Variants in GATA4 observed in about 807,000 individuals in gnomAD.
The protein encoded by GATA4 is GATA binding protein 4.
GATA4 carries 7 observed loss-of-function variants against 37.9 expected under a neutral mutation model. That is an observed-to-expected ratio of 0.18 (90% CI 0.11 to 0.35). The LOEUF (loss-of-function observed/expected upper bound fraction) is 0.35. Ranked by LOEUF, GATA4 falls within the 10% of genes least tolerant of loss-of-function variation. GATA4 has a pLI of 1.00. For missense variants in GATA4, 647 were observed against 653.0 expected (o/e 0.99, Z 0.10); for synonymous variants, 372 against 292.6 (o/e 1.27, Z -2.77).
chr8:11,682,703 T>C (rs1358722428), intron 1 of GATA4, among the ~76,000 whole-genome samples: 1 of 152,260 alleles, frequency 6.6e-6, no homozygotes, highest in Non-Finnish European at 1.5e-5. Flanking sequence ...GAAAGTCAGC[T>C]ATGTCTCCTC....
chr8:11,739,219 A>T (rs553211646), intron 2 of GATA4, among the ~76,000 whole-genome samples: 2 of 152,356 alleles, frequency 1.3e-5, no homozygotes, highest in African/African-American at 4.8e-5. Context: ...ATGTTACAGG[A>T]AGAGAAAATC....
chr8:11,686,816 G>C (rs1799151458), intron 1 of GATA4, among the ~76,000 whole-genome samples: 1 of 152,144 alleles, frequency 6.6e-6, no homozygotes, highest in African/African-American at 2.4e-5. Flanking sequence ...TGACCAACAT[G>C]ATGAAACCCC....
intron 2 of GATA4, among the ~76,000 whole-genome samples, chr8:11,731,805 A>G (rs1186436769): frequency 6.6e-6 from 1 of 152,232 alleles, no homozygotes; most frequent in African/African-American, 2.4e-5. Context: ...AGTAGAAAGT[A>G]AATTGTGAAA....
At chr8:11,678,688 C>CA (rs1313454082) in intron 1 of GATA4, among the ~76,000 whole-genome samples, 1 of 152,162 alleles carries the variant, frequency 6.6e-6, no homozygotes, top group African/African-American at 2.4e-5. Context: ...GTAGTACTAG[C>CA]AAATGTTTTG....
chr8:11,708,770 G>A lies in GATA4; in HGVS notation c.458G>A (p.Gly153Asp). 1.4e-6 allele frequency: 2 copies of A among 1,431,310 alleles called. No homozygotes were observed. Among genetic ancestry groups the A allele is most frequent in the Admixed American group, 2.7e-5 (1 of 37,356 alleles). 88.7% of individuals were successfully genotyped at this position (1,431,310 alleles called of 1,614,324 possible). Reference protein sequence around the residue: ...LAGREQYGRAGFAGSYSSPYP... With the variant: ...LAGREQYGRADFAGSYSSPYP... ...GGCCGCGAGCAGTACGGGCGCGCCG[G>A]CTTCGCGGGCTCCTACTCCAGCCCC... The change falls in exon 2 of 7, where the codon GGC becomes GAC. Residue 153 changes from glycine to aspartate, a missense_variant. This residue lies in a region of GATA4 where 379 missense variants were observed against 334.5 expected (regional missense o/e 1.13). Transcript: ENST00000532059. This position sits in a 1 kb window ranked among gnomAD's most constrained non-coding sequence, Gnocchi z 6.7.
At chr8:11,687,854 A>G (rs554073903), upstream of GATA4, among the ~76,000 whole-genome samples, 2 of 152,280 alleles carry the variant, frequency 1.3e-5, no homozygotes, top group Admixed American at 6.5e-5. Context: ...AGAACTGATC[A>G]AGCCCTGCCC....
At position 11,708,829 on chromosome 8, in the gene GATA4, T is replaced by G; in HGVS notation, c.517T>G (p.Trp173Gly). ...TTACATGGCCGACGTGGGCGCGTCC[T>G]GGGCCGCAGCCGCCGCCGCCTCCGC... The part of the protein sequence containing the change: ...PAYMADVGAS[W>G]AAAAAASAGP... Residue 173 changes from tryptophan (W) to glycine (G), a missense_variant, in exon 2 of 7, where the codon TGG (tryptophan) becomes GGG (glycine). Trp to Gly is a radical substitution (Grantham distance 184, BLOSUM62 -2). Around this residue, in one of 5 missense-constraint regions of GATA4, gnomAD observed 379 missense variants for 334.5 expected, o/e 1.13. Transcript: ENST00000532059. This position sits in a 1 kb window ranked among gnomAD's most constrained non-coding sequence, Gnocchi z 6.7. 1 of 1,494,200 alleles carries G rather than the reference T, an allele frequency of 6.7e-7. No individual in the cohort carries two copies. The allele number at this position is 1,494,200 out of a possible 1,614,324, so 92.6% of individuals were successfully genotyped here. A position where few individuals can be genotyped will look rare whatever the true frequency, so the allele number is the denominator to read the frequency against.
chr8:11,753,093 G>A (rs1321069104), intron 4 of GATA4, among the ~76,000 whole-genome samples: 2 of 152,208 alleles, frequency 1.3e-5, no homozygotes, highest in African/African-American at 4.8e-5. Flanking sequence ...GCCTCAAAGA[G>A]CTATTTGTAC....
At chr8:11,731,888 T>C (rs142071912) in intron 2 of GATA4, among the ~76,000 whole-genome samples, 20 of 152,358 alleles carry the variant, frequency 1.3e-4, no homozygotes, top group African/African-American at 4.6e-4. Context: ...GACGATTAGG[T>C]AGAACTAGCC....
upstream of GATA4, chr8:11,692,447 T>A (rs1000406638): frequency 2.3e-6 from 2 of 884,556 alleles, no homozygotes; most frequent in African/African-American, 3.6e-5. Flanking sequence ...ATAATTCGAA[T>A]GAACCCTAAT....
intron 2 of GATA4, among the ~76,000 whole-genome samples, chr8:11,726,029 G>A (rs1429134324): frequency 2.0e-5 from 3 of 152,224 alleles, no homozygotes; most frequent in African/African-American, 7.2e-5. Flanking sequence ...TAGCCTGGAA[G>A]TATTTTCAGG....
rs958230998 is a variant in GATA4 at position 11,749,999 on chromosome 8, G to A, written c.787-112G>A. ...TCAGAGATCTCATGCAGGGTCGTTA[G>A]GGCCCAGCCCTGCCTCCCGTTAGGG... On this transcript the variant is annotated intron_variant, in intron 3 of 6. Transcript: ENST00000532059. This position sits in a 1 kb window ranked among gnomAD's most constrained non-coding sequence, Gnocchi z 4.6. The A allele has an allele frequency of 8.7e-6, 13 of 1,489,876 alleles. No homozygotes were observed. In the African/African-American group the frequency reaches 1.8e-4, roughly 21 times the overall value. The allele number at this position is 1,489,876 out of a possible 1,614,324, so 92.3% of individuals were successfully genotyped here.
At chr8:11,688,621 G>C (rs1386417476), upstream of GATA4, among the ~76,000 whole-genome samples, 7 of 152,222 alleles carry the variant, frequency 4.6e-5, no homozygotes, top group Non-Finnish European at 1.0e-4. Context: ...GGTGTCAGGG[G>C]AGTGTGTGCA....
Position 11,708,452 on chromosome 8 carries a change from C to T in GATA4, c.140C>T (p.Ser47Phe), listed in dbSNP as rs1384188773. 1 of 1,532,008 alleles carries T rather than the reference C, an allele frequency of 6.5e-7. No homozygotes were observed. Among genetic ancestry groups the T allele is most frequent in the Non-Finnish European group, 8.7e-7 (1 of 1,145,290 alleles). 94.9% of individuals were successfully genotyped at this position (1,532,008 alleles called of 1,614,324 possible). The change falls in exon 2 of 7, where the codon TCC becomes TTC. Residue 47 changes from serine to phenylalanine, a missense_variant. Ser to Phe is a radical substitution (Grantham distance 155). Coordinates refer to ENST00000532059, the MANE Select transcript of GATA4 (RefSeq NM_001308093.3). This position sits in a 1 kb window ranked among gnomAD's most constrained non-coding sequence, Gnocchi z 6.7. ...GTGCCCACACCGCGGGTGCCCTCCT[C>T]CGTGCTGGGCCTGTCCTACCTCCAG... is the stretch of plus-strand genomic sequence containing the variant. Reference protein sequence around the residue: ...VYVPTPRVPSSVLGLSYLQGG... With the variant: ...VYVPTPRVPSFVLGLSYLQGG...
At chr8:11,722,197 G>A (rs1009683525) in intron 2 of GATA4, among the ~76,000 whole-genome samples, 1 of 151,854 alleles carries the variant, frequency 6.6e-6, no homozygotes, top group African/African-American at 2.4e-5. Flanking sequence ...AAAATAGAGA[G>A]TAGAATATTC....
chr8:11,727,168 G>A (rs1236791857), intron 2 of GATA4, among the ~76,000 whole-genome samples: 1 of 152,216 alleles, frequency 6.6e-6, no homozygotes, highest in African/African-American at 2.4e-5. Context: ...GGAGGATAGT[G>A]ACTCACTGCC....
chr8:11,740,424 C>T (rs7845076), intron 2 of GATA4, among the ~76,000 whole-genome samples: 8,884 of 152,190 alleles, frequency 0.058, 781 homozygotes, highest in African/African-American at 0.19. Flanking sequence ...CATATTAATC[C>T]GGGGAGGCGG....
At chr8:11,703,191 A>G (rs77081760), upstream of GATA4, among the ~76,000 whole-genome samples, 4,871 of 151,718 alleles carry the variant, frequency 0.032, 214 homozygotes, top group South Asian at 0.093. Flanking sequence ...AAAAAAAAAA[A>G]GTTTAACCGA....
chr8:11,709,019 C>G lies in GATA4; in HGVS notation c.616+91C>G, dbSNP rs992897223. 15 of 1,295,020 alleles carry G rather than the reference C, an allele frequency of 1.2e-5. No homozygotes were observed. In the Admixed American group the frequency reaches 1.7e-4, roughly 15 times the overall value. The allele number at this position is 1,295,020 out of a possible 1,614,324, so 80.2% of individuals were successfully genotyped here. On this transcript the variant is annotated intron_variant, in intron 2 of 6. Transcript: ENST00000532059. This position sits in a 1 kb window ranked among gnomAD's most constrained non-coding sequence, Gnocchi z 4.3. ...AGGGCCTCTTGTTTTTCCACCAACGCCTTCGTTGGGCTGGGGATGGTGCTT... is the reference window on the plus strand; with the variant it reads ...AGGGCCTCTTGTTTTTCCACCAACGGCTTCGTTGGGCTGGGGATGGTGCTT...
Sources: gnomAD v4.1 joint callset for allele counts (sites outside exome capture counted in the v4.1 genomes callset) on GRCh38, gnomAD v4.1.1 for gene constraint, gnomAD v4.1.1 regional missense constraint, Gnocchi (gnomAD v3.1) non-coding constraint, MANE v1.5 for transcripts, NCBI Gene and HGNC (gene_info 2026-07-23, HGNC 2026-07-21) for gene names.